DDB1: variants seen among roughly 807,000 people sequenced by gnomAD.
DDB1 encodes the protein DNA damage-binding protein 1.
In DDB1, 18 loss-of-function variants were observed where a neutral mutation model predicts 133.1. The ratio of observed to expected loss-of-function variants is 0.14; its 90% CI spans 0.09 to 0.20. The LOEUF is 0.20. DDB1 is among the 10% of genes least tolerant of loss of function. The pLI is 1.00. For synonymous variants in DDB1, 580 were observed against 550.5 expected, an observed-to-expected ratio of 1.05 and a Z score of -0.75; for missense variants, 828 against 1,459.2, an observed-to-expected ratio of 0.57 and a Z score of 7.05.
At position 61,302,340 on chromosome 11, in the gene DDB1, T is replaced by A; in HGVS notation, c.3132A>T (p.Ser1044=). ...NGMIGLVTSL[S]ESWYNLLLDM... ...CCAGCAGGAGGTTGTACCAGCTCTCTGACAGTGAGGTCACCAGCCCTGAAG... is the reference window on the plus strand; with the variant it reads ...CCAGCAGGAGGTTGTACCAGCTCTCAGACAGTGAGGTCACCAGCCCTGAAG... The change falls in exon 25 of 27, where the codon TCA becomes TCT. Residue 1044 remains serine, a synonymous_variant. Coordinates refer to ENST00000301764, the MANE Select transcript of DDB1 (RefSeq NM_001923.5). The A allele has an allele frequency of 6.2e-7, 1 of 1,614,210 alleles. No individual in the cohort carries two copies. Among genetic ancestry groups the A allele is most frequent in the Non-Finnish European group, 8.5e-7 (1 of 1,180,006 alleles).
intron 2 of DDB1, 23 bp from the exon 3 acceptor site, chr11:61,330,097 C>T (rs769346576): frequency 6.3e-7 from 1 of 1,582,358 alleles, no homozygotes; most frequent in South Asian, 1.1e-5. Flanking sequence ...ATTATGCTAT[C>T]AAAAGAGGTT....
At chr11:61,317,662 A>G (rs1856114134) in intron 10 of DDB1, among the ~76,000 whole-genome samples, 1 of 151,514 alleles carries the variant, frequency 6.6e-6, no homozygotes, top group Non-Finnish European at 1.5e-5. Context: ...GCGTGTCACC[A>G]CGCCTGGCTA....
intron 12 of DDB1, 100 bp downstream of exon 12, chr11:61,316,185 G>A: frequency 5.2e-6 from 5 of 959,298 alleles, no homozygotes; most frequent in Non-Finnish European, 8.0e-6. Flanking sequence ...ATTATTTTTG[G>A]AGCCATAAAA....
At chr11:61,322,781 G>A in intron 8 of DDB1, 1 of 558,120 alleles carries the variant, frequency 1.8e-6, no homozygotes, top group East Asian at 2.8e-5. Context: ...GCTGGGTCTT[G>A]TTCATCAATG....
In DDB1 at chr11:61,299,985, G is replaced by A. The variant is rs946048188; in HGVS notation, c.*151C>T. On this transcript the variant is annotated 3_prime_UTR_variant, in exon 27 of 27. Transcript: ENST00000301764. ...TCATTCCCAAGTCTCTATGAAGCCC[G>A]CCCCACTTCCACATAGGGGAACTGT... 3.3e-5 allele frequency: 23 copies of A among 691,284 alleles called. No individual in the cohort carries two copies. Among genetic ancestry groups the A allele is most frequent in the Admixed American group, 7.3e-5 (3 of 41,194 alleles). 42.8% of individuals were successfully genotyped at this position (691,284 alleles called of 1,614,324 possible).
At chr11:61,311,583 T>G (rs963529124) in intron 18 of DDB1, among the ~76,000 whole-genome samples, 4 of 152,208 alleles carry the variant, frequency 2.6e-5, no homozygotes, top group African/African-American at 4.8e-5. Flanking sequence ...AGGAACTGTT[T>G]TTTAAAAATA....
chr11:61,303,728 A>T, intron 22 of DDB1, 137 bp downstream of exon 22: 1 of 710,572 alleles, frequency 1.4e-6, no homozygotes, highest in Non-Finnish European at 2.2e-6. Flanking sequence ...AAAAAAACTT[A>T]ATCAATGTAG....
At chr11:61,305,369 T>C (rs1855867565) in intron 21 of DDB1, among the ~76,000 whole-genome samples, 1 of 152,084 alleles carries the variant, frequency 6.6e-6, no homozygotes, top group Non-Finnish European at 1.5e-5. Context: ...CAGCTGGGCA[T>C]TGTGACGTGT....
chr11:61,322,085 G>T, intron 9 of DDB1: 1 of 581,544 alleles, frequency 1.7e-6, no homozygotes, highest in Non-Finnish European at 3.1e-6. Flanking sequence ...CCTATCTAGG[G>T]TACTTGTGTA....
At chr11:61,302,172 G>T in intron 25 of DDB1, 85 bp downstream of exon 25, 1 of 1,173,846 alleles carries the variant, frequency 8.5e-7, no homozygotes, top group Non-Finnish European at 1.3e-6. Flanking sequence ...ATCAAGACAT[G>T]TAGTAGCTTC....
chr11:61,330,146 C>CACCAAATTCTTTAAGAATTT (rs1433870775), intron 2 of DDB1, 72 bp from the exon 3 acceptor site: 5 of 1,258,810 alleles, frequency 4.0e-6, no homozygotes, highest in African/African-American at 1.5e-5. Context: ...TCTTTAAGCA[C>CACCAAATTCTTTAAGAATTT]ACCAAATTCT....
Position 61,303,385 on chromosome 11 carries a change from GTC to G in DDB1, c.2833-232_2833-231del, listed in dbSNP as rs1855830666. ...AGCCTAGTCAGAGTTTGAGTTGGGA[GTC>G]TCTAAAAATACTTAATCAGGGCCGG... is the stretch of plus-strand genomic sequence containing the variant. On this transcript the variant is annotated intron_variant, in intron 22 of 26. Transcript: ENST00000301764. The G allele has an allele frequency of 2.1e-5, 10 of 473,658 alleles. No homozygotes were observed. In the Admixed American group the frequency reaches 2.5e-4, roughly 12 times the overall value. The allele number at this position is 473,658 out of a possible 1,614,324, so 29.3% of individuals were successfully genotyped here. A position where few individuals can be genotyped will look rare whatever the true frequency, so the allele number is the denominator to read the frequency against.
At position 61,330,039 on chromosome 11, in the gene DDB1, C is replaced by T. The variant is rs769585479; in HGVS notation, c.246G>A (p.Ala82=). 3.1e-6 allele frequency: 5 copies of T among 1,613,788 alleles called. No individual in the cohort carries two copies. Among genetic ancestry groups the T allele is most frequent in the East Asian group, 2.2e-5 (1 of 44,866 alleles). Residue 82 remains alanine, a synonymous_variant, in exon 3 of 27, where the codon GCG becomes GCA. Coordinates refer to ENST00000301764, the MANE Select transcript of DDB1 (RefSeq NM_001923.5). ...ACTCCAGGATGCAGGCATTGTACTT[C>T]GCTGTCAAGATAAACAGCAGGTCCT... ...ESKDLLFILT[A]KYNACILEYK...
intron 8 of DDB1, chr11:61,322,621 C>A: frequency 1.8e-6 from 1 of 568,842 alleles, no homozygotes. Context: ...GATTGCTGAC[C>A]TAGAGTCCAT....
chr11:61,325,554 C>G (rs1053310135), intron 6 of DDB1, 57 bp downstream of exon 6: 14 of 1,409,702 alleles, frequency 9.9e-6, no homozygotes, highest in Middle Eastern at 2.3e-4. Flanking sequence ...AAGGGAGGAG[C>G]AAGGTGAGGA....
At chr11:61,316,191 T>A in intron 12 of DDB1, 94 bp downstream of exon 12, 1 of 1,065,038 alleles carries the variant, frequency 9.4e-7, no homozygotes, top group Non-Finnish European at 1.4e-6. Context: ...TTTGGAGCCA[T>A]AAAAATTGGT....
chr11:61,326,294 C>T lies in DDB1; in HGVS notation c.664+485G>A, dbSNP rs1262485628. ...CTATGAGGTAAAGAAATCAGATAAG[C>T]TCTATTGCTCCCTTTCAGTTTTTTG... On this transcript the variant is annotated intron_variant, in intron 5 of 26. Transcript: ENST00000301764. The T allele has an allele frequency of 1.3e-5, 3 of 227,940 alleles. No homozygotes were observed. In the Admixed American group the frequency reaches 1.6e-4, roughly 12 times the overall value. 14.1% of individuals were successfully genotyped at this position (227,940 alleles called of 1,614,324 possible).
At chr11:61,329,279 C>T (rs755434489) in intron 4 of DDB1, 84 bp downstream of exon 4, 2 of 1,252,352 alleles carry the variant, frequency 1.6e-6, no homozygotes, top group Admixed American at 3.4e-5. Flanking sequence ...CTCTATCCTA[C>T]CAAACCCAGA....
At chr11:61,324,921 G>A (rs887661120) in intron 6 of DDB1, among the ~76,000 whole-genome samples, 3 of 152,200 alleles carry the variant, frequency 2.0e-5, no homozygotes, top group Non-Finnish European at 4.4e-5. Context: ...GGCTGAGGCG[G>A]ATGGATCACC....
Sources: allele counts gnomAD v4.1 joint callset (sites outside exome capture counted in the v4.1 genomes callset), GRCh38; gene constraint gnomAD v4.1.1; transcripts MANE v1.5; gene names NCBI Gene and HGNC (gene_info 2026-07-23, HGNC 2026-07-21).